PDIA6: variants seen among roughly 807,000 people sequenced by gnomAD.
PDIA6 encodes the protein protein disulfide isomerase family A member 6.
PDIA6 carries 29 observed loss-of-function variants against 58.4 expected under a neutral mutation model. The ratio of observed to expected loss-of-function variants is 0.50; its 90% confidence interval spans 0.37 to 0.68. The LOEUF (loss-of-function observed/expected upper bound fraction) is 0.68. PDIA6 is among the 30% of genes least tolerant of loss of function. The pLI is 0.00. For synonymous variants in PDIA6, 192 were observed against 202.6 expected, an observed-to-expected ratio of 0.95 and a Z score of 0.44; for missense variants, 480 against 551.0, an observed-to-expected ratio of 0.87 and a Z score of 1.29.
rs1214273602 is a variant in PDIA6 at position 10,784,981 on chromosome 2, A to C, written c.1207T>G (p.Phe403Val). 5 of 1,591,806 alleles carry C rather than the reference A, an allele frequency of 3.1e-6. No individual in the cohort carries two copies. In the African/African-American group the frequency reaches 6.7e-5, roughly 21 times the overall value. The change falls in exon 12 of 13, where the codon TTC becomes GTC. Residue 403 changes from phenylalanine to valine, a missense_variant. By Grantham distance (50) the Phe-to-Val change is conservative. Transcript: ENST00000272227. ...GGCTCTCTCTCAACGATGGTAGGGA[A>C]AGCCCCGCCTCCTACAGGTGCCGTG... ...GSTAPVGGGA[F>V]PTIVEREPWD...
intron 5 of PDIA6, among the ~76,000 whole-genome samples, chr2:10,792,835 G>A (rs1037216785): frequency 6.6e-6 from 1 of 152,180 alleles, no homozygotes. Flanking sequence ...CCAGCACGTG[G>A]CTCCTGGGCC....
At chr2:10,812,936 G>GA (rs1327048391), upstream of PDIA6, 2 of 769,452 alleles carry the variant, frequency 2.6e-6, no homozygotes, top group African/African-American at 3.6e-5. Flanking sequence ...TACCGGTTTG[G>GA]TTTTTTTTCA....
At chr2:10,831,241 C>T (rs1294572499) in intron 1 of PDIA6, among the ~76,000 whole-genome samples, 2 of 152,198 alleles carry the variant, frequency 1.3e-5, no homozygotes, top group African/African-American at 4.8e-5. Flanking sequence ...CCCTTGACCC[C>T]GTGGCCAGGG....
Position 10,783,974 on chromosome 2 carries a change from A to G in PDIA6, c.*284T>C, listed in dbSNP as rs979437075. 1.1e-5 allele frequency: 3 copies of G among 261,202 alleles called. No individual in the cohort carries two copies. Among genetic ancestry groups the G allele is most frequent in the African/African-American group, 2.2e-5 (1 of 45,174 alleles). The allele number at this position is 261,202 out of a possible 1,614,324, so 16.2% of individuals were successfully genotyped here. A position where few individuals can be genotyped will look rare whatever the true frequency, so the allele number is the denominator to read the frequency against. ...AAACAGCCTCCAAGAACATTCAAGC[A>G]GCAGTCAGAGAGAAAAATGTTTCGA... On this transcript the variant is annotated 3_prime_UTR_variant, in exon 13 of 13. Transcript: ENST00000272227.
chr2:10,790,618 A>T, intron 7 of PDIA6, 101 bp downstream of exon 7: 1 of 804,040 alleles, frequency 1.2e-6, no homozygotes, highest in Non-Finnish European at 2.1e-6. Context: ...AAAATGGTTT[A>T]AACATCTCCT....
At chr2:10,805,766 T>A (rs1156389663) in intron 1 of PDIA6, among the ~76,000 whole-genome samples, 9 of 97,266 alleles carry the variant, frequency 9.3e-5, no homozygotes, top group Non-Finnish European at 1.7e-4. Flanking sequence ...TGTAGGGACA[T>A]GGATGAAATT....
At chr2:10,794,059 G>A (rs1214840524) in intron 4 of PDIA6, among the ~76,000 whole-genome samples, 4 of 152,074 alleles carry the variant, frequency 2.6e-5, no homozygotes, top group Non-Finnish European at 4.4e-5. Context: ...ACAGTCAGGG[G>A]CTATTAACTA....
intron 1 of PDIA6, among the ~76,000 whole-genome samples, chr2:10,825,492 C>T (rs887064608): frequency 2.0e-5 from 3 of 152,162 alleles, no homozygotes; most frequent in East Asian, 3.8e-4. Context: ...TGGAATTCAT[C>T]AAATTAAAAC....
Position 10,797,244 on chromosome 2 carries a change from C to T in PDIA6, c.220-37G>A, listed in dbSNP as rs530873139. 61 of 1,593,244 alleles carry T rather than the reference C, an allele frequency of 3.8e-5. No individual in the cohort carries two copies. The South Asian group carries it at 4.0e-4, about 10-fold the overall frequency. On this transcript the variant is annotated intron_variant, in intron 3 of 12. Coordinates refer to ENST00000272227, the MANE Select transcript of PDIA6 (RefSeq NM_005742.4). ...TAAAAGAAATAACAATTTTTCCTTC[C>T]GCTAAAGCAGACTCCACAAGAACTC...
chr2:10,816,528 T>G, upstream of PDIA6, among the ~76,000 whole-genome samples: 1 of 133,400 alleles, frequency 7.5e-6, no homozygotes, highest in South Asian at 2.6e-4. Context: ...TGTGCTTTCT[T>G]TTTTTTTTTT....
chr2:10,816,524 TTC>T (rs1491365015), upstream of PDIA6, among the ~76,000 whole-genome samples: 23 of 148,866 alleles, frequency 1.5e-4, no homozygotes, highest in African/African-American at 5.4e-4. Context: ...TTTTTGTGCT[TTC>T]TTTTTTTTTT....
chr2:10,834,738 CCTTCCT>C (rs1667792197), upstream of PDIA6, among the ~76,000 whole-genome samples: 1 of 29,120 alleles, frequency 3.4e-5, no homozygotes, highest in African/African-American at 1.1e-4. Flanking sequence ...TTCCCTCCTT[CCTTCCT>C]TCCTTCCTTC....
At chr2:10,791,168 G>C (rs1057471418) in intron 6 of PDIA6, among the ~76,000 whole-genome samples, 2 of 149,942 alleles carry the variant, frequency 1.3e-5, no homozygotes, top group Non-Finnish European at 3.0e-5. Context: ...TTTTAAGACA[G>C]AGTCTCCTTC....
chr2:10,837,582 G>A (rs1372242639), exon 1 of PDIA6: 1 of 838,788 alleles, frequency 1.2e-6, no homozygotes, highest in Non-Finnish European at 2.0e-6. Flanking sequence ...ACACTTTGGA[G>A]GCAGGGGCTG....
chr2:10,794,468 CTTTTTTTTT>C (rs76574229), intron 4 of PDIA6, among the ~76,000 whole-genome samples: 1 of 128,742 alleles, frequency 7.8e-6, no homozygotes, highest in South Asian at 2.3e-4. Context: ...AAAAATCTTT[CTTTTTTTTT>C]TTTTTTTTTT....
At chr2:10,813,760 C>T (rs1005803001), upstream of PDIA6, among the ~76,000 whole-genome samples, 30 of 152,018 alleles carry the variant, frequency 2.0e-4, no homozygotes, top group African/African-American at 6.3e-4. Context: ...CTCAGCTTCC[C>T]GAGAAGCTGG....
At chr2:10,817,978 A>G (rs1667251177) in intron 2 of PDIA6, among the ~76,000 whole-genome samples, 1 of 151,298 alleles carries the variant, frequency 6.6e-6, no homozygotes, top group African/African-American at 2.5e-5. Flanking sequence ...TAGATCCGAC[A>G]GGGGACATGT....
chr2:10,806,458 T>TA (rs58826673), intron 1 of PDIA6, among the ~76,000 whole-genome samples: 53,931 of 140,600 alleles, frequency 0.38, 11,429 homozygotes, highest in Middle Eastern at 0.51. Context: ...GCCAAAAAGT[T>TA]AAAAAAAAAA....
chr2:10,814,497 C>T (rs955227446), upstream of PDIA6, among the ~76,000 whole-genome samples: 4 of 152,198 alleles, frequency 2.6e-5, no homozygotes, highest in African/African-American at 9.6e-5. Flanking sequence ...CCAGGCCTGT[C>T]TGCTTTCCCT....
Sources: gnomAD v4.1 joint callset for allele counts (sites outside exome capture counted in the v4.1 genomes callset) on GRCh38, gnomAD v4.1.1 for gene constraint, MANE v1.5 for transcripts, NCBI Gene and HGNC (gene_info 2026-07-23, HGNC 2026-07-21) for gene names.